ANKFY1: variants seen among roughly 807,000 people sequenced by gnomAD.
ANKFY1 encodes the protein ankyrin repeat and FYVE domain containing 1, also known as ankyrin repeat and FYVE domain-containing protein 1.
Under a neutral mutation model 128.3 loss-of-function variants are expected in ANKFY1, and 47 were observed. That is an observed-to-expected ratio of 0.37 (90% CI 0.29 to 0.47). The LOEUF (loss-of-function observed/expected upper bound fraction) is 0.47, where lower values mean the gene tolerates loss of function less well. Among genes scored for constraint, ANKFY1 ranks in the 20% least tolerant of loss-of-function variants. ANKFY1 has a pLI of 1.00. For synonymous variants in ANKFY1, 553 were observed against 601.6 expected, an observed-to-expected ratio of 0.92 and a Z score of 1.18; for missense variants, 1,222 against 1,510.6, an observed-to-expected ratio of 0.81 and a Z score of 3.17.
rs2059475506 is a variant in ANKFY1, at chr17:4,179,724, T to C, written c.2394A>G (p.Ala798=). 2 of 1,614,030 alleles carry C rather than the reference T, an allele frequency of 1.2e-6. No individual in the cohort carries two copies. The highest frequency in any genetic ancestry group is 1.7e-6 in the Non-Finnish European group (2 of 1,180,018). The change falls in exon 17 of 25, where the codon GCA becomes GCG. Residue 798 remains alanine, a synonymous_variant. Transcript: ENST00000341657. The stretch of plus-strand genomic sequence containing the variant: ...CCGGAAAAGAGAAACGACACACCTG[T>C]GCGTTCACGTTGGCACCAAACTCCA... The part of the protein sequence containing the change: ...CLLEFGANVN[A]QDAEGRTPIH...
intron 7 of ANKFY1, among the ~76,000 whole-genome samples, chr17:4,205,389 G>GA (rs548835014): frequency 1.6e-3 from 244 of 151,758 alleles, no homozygotes; most frequent in Admixed American, 4.3e-3. Context: ...TAAGACTATG[G>GA]AAAAAAACAA....
At position 4,181,437 on chromosome 17, in the gene ANKFY1, T is replaced by C. The variant is rs2059514922; in HGVS notation, c.2122-65A>G. On this transcript the variant is annotated intron_variant, in intron 15 of 24. Coordinates refer to ENST00000341657, the MANE Select transcript of ANKFY1 (RefSeq NM_001330063.2). This position sits in a 1 kb window ranked among gnomAD's most constrained non-coding sequence, Gnocchi z 4.9. ...AAAGGCAAACAGTTTTATTACCAAGTCTGAGCTCTATGTATAGCATTAAAT... is the reference window on the plus strand; with the variant it reads ...AAAGGCAAACAGTTTTATTACCAAGCCTGAGCTCTATGTATAGCATTAAAT... 4.3e-6 allele frequency: 5 copies of C among 1,152,810 alleles called. No homozygotes were observed. The highest frequency in any genetic ancestry group is 3.4e-5 in the Admixed American group (2 of 58,706). 71.4% of individuals were successfully genotyped at this position (1,152,810 alleles called of 1,614,324 possible).
At position 4,189,383 on chromosome 17, in the gene ANKFY1, C is replaced by G; in HGVS notation, c.1469G>C (p.Trp490Ser). The change falls in exon 11 of 25, where the codon TGG becomes TCG. Residue 490 changes from tryptophan to serine, a missense_variant and splice_region_variant. Transcript: ENST00000341657. ...CTCCGGCTGCCCTGTCACACTTACC[C>G]ACTTGTTTCTGTGGTTGACATGGGC... ...NGAHVNHRNKWGETPLHTACR... is the reference protein window; with the variant it reads ...NGAHVNHRNKSGETPLHTACR... 6.3e-7 allele frequency: 1 copy of G among 1,579,066 alleles called. No individual in the cohort carries two copies. Among genetic ancestry groups the G allele is most frequent in the Non-Finnish European group, 8.6e-7 (1 of 1,159,072 alleles).
At chr17:4,228,120 T>C (rs1412731366) in intron 3 of ANKFY1, among the ~76,000 whole-genome samples, 1 of 151,502 alleles carries the variant, frequency 6.6e-6, no homozygotes, top group Non-Finnish European at 1.5e-5. Context: ...AAAAAAAAAG[T>C]GTGGTATTTT....
intron 1 of ANKFY1, chr17:4,249,060 C>G (rs780110640): frequency 1.4e-4 from 130 of 904,532 alleles, no homozygotes; most frequent in Non-Finnish European, 1.7e-4. Context: ...GCAATGTCTA[C>G]TGCAAAAAAG....
intron 1 of ANKFY1, among the ~76,000 whole-genome samples, chr17:4,260,983 C>A (rs1968386092): frequency 6.6e-6 from 1 of 152,150 alleles, no homozygotes; most frequent in South Asian, 2.1e-4. Context: ...TCCAAACAAG[C>A]ATAGCAGGCT....
At chr17:4,231,344 C>T (rs552811989) in intron 3 of ANKFY1, among the ~76,000 whole-genome samples, 1 of 152,058 alleles carries the variant, frequency 6.6e-6, no homozygotes, top group East Asian at 1.9e-4. Flanking sequence ...AAACAATTAG[C>T]CAGGGATGGT....
At chr17:4,206,078 T>C (rs2060017868) in intron 7 of ANKFY1, among the ~76,000 whole-genome samples, 1 of 152,216 alleles carries the variant, frequency 6.6e-6, no homozygotes, top group South Asian at 2.1e-4. Flanking sequence ...TTCACACAAG[T>C]ACCATCTTTG....
At chr17:4,185,248 C>G (rs1041339258) in intron 11 of ANKFY1, among the ~76,000 whole-genome samples, 1 of 152,168 alleles carries the variant, frequency 6.6e-6, no homozygotes, top group Non-Finnish European at 1.5e-5. Flanking sequence ...CTCTGTCACC[C>G]AGGCTGGAGT....
intron 7 of ANKFY1, among the ~76,000 whole-genome samples, chr17:4,201,731 C>T (rs977706829): frequency 6.6e-5 from 10 of 152,070 alleles, no homozygotes; most frequent in Non-Finnish European, 1.3e-4. Context: ...TGCAATCTTT[C>T]CCAGTATCAA....
rs1020329507 is a variant in ANKFY1 at position 4,242,332 on chromosome 17, T to C, written c.127A>G (p.Lys43Glu). The change falls in exon 2 of 25, where the codon AAG (lysine) becomes GAG (glutamate). Residue 43 changes from lysine (K) to glutamate (E), a missense_variant. Lys to Glu is a moderately conservative substitution (Grantham distance 56, BLOSUM62 1). Coordinates refer to ENST00000341657, the MANE Select transcript of ANKFY1 (RefSeq NM_001330063.2). Reference protein sequence around the residue: ...RCALLAAQANKESSSESFISR... With the variant: ...RCALLAAQANEESSSESFISR... ...ATGAAGGACTCGCTGCTGCTCTCCT[T>C]GTTTGCCTGCGCAGCCAAGAGAGCG... 8 of 1,602,144 alleles carry C rather than the reference T, an allele frequency of 5.0e-6. No individual in the cohort carries two copies. Among genetic ancestry groups the C allele is most frequent in the African/African-American group, 1.3e-5 (1 of 74,146 alleles).
Position 4,165,506 on chromosome 17 carries a change from C to A in ANKFY1, c.*2273G>T, listed in dbSNP as rs1209717364. 2.0e-5 allele frequency: 3 copies of A among 152,264 alleles called. No homozygotes were observed. The highest frequency in any genetic ancestry group is 1.3e-4 in the Admixed American group (2 of 15,278). 9.4% of individuals were successfully genotyped at this position (152,264 alleles called of 1,614,324 possible). ...CAGGGCATGTTGGAGTCAGCTCCCA[C>A]TCAAGCAGCCTGCTGAGTGCAGCCC... is the stretch of plus-strand genomic sequence containing the variant. On this transcript the variant is annotated 3_prime_UTR_variant, in exon 25 of 25. Coordinates refer to ENST00000341657, the MANE Select transcript of ANKFY1 (RefSeq NM_001330063.2).
chr17:4,188,946 AAAGGT>A (rs137985726), intron 11 of ANKFY1: 7,549 of 156,070 alleles, frequency 0.048, 379 homozygotes, highest in African/African-American at 0.13. Context: ...GTCCAACCCC[AAAGGT>A]AACACTTTTA....
intron 2 of ANKFY1, among the ~76,000 whole-genome samples, chr17:4,237,705 A>G (rs1459377330): frequency 6.6e-6 from 1 of 152,212 alleles, no homozygotes; most frequent in Non-Finnish European, 1.5e-5. Flanking sequence ...TAAGGATTTC[A>G]TCAATAATTT....
chr17:4,173,282 A>G, intron 21 of ANKFY1, 72 bp downstream of exon 21: 1 of 1,436,728 alleles, frequency 7.0e-7, no homozygotes, highest in Non-Finnish European at 9.8e-7. Flanking sequence ...GGCTGATGGG[A>G]GGCACCAGCA....
intron 11 of ANKFY1, chr17:4,186,841 C>T: frequency 6.0e-6 from 6 of 1,003,308 alleles, no homozygotes; most frequent in Non-Finnish European, 7.1e-6. Context: ...AAACCCAGGT[C>T]TCCAGCCCCA....
intron 3 of ANKFY1, among the ~76,000 whole-genome samples, chr17:4,234,167 G>A (rs1201158848): frequency 1.3e-5 from 2 of 152,152 alleles, no homozygotes; most frequent in African/African-American, 4.8e-5. Flanking sequence ...TATAGCCTAG[G>A]TGTGTAGTAG....
chr17:4,201,447 C>T (rs1233193655), intron 7 of ANKFY1, among the ~76,000 whole-genome samples: 1 of 150,424 alleles, frequency 6.6e-6, no homozygotes, highest in Non-Finnish European at 1.5e-5. Flanking sequence ...GATGCTGACT[C>T]GCTCCTCAGA....
intron 1 of ANKFY1, 22 bp downstream of exon 1, chr17:4,263,910 C>T: frequency 1.2e-6 from 2 of 1,613,878 alleles, no homozygotes; most frequent in Non-Finnish European, 1.7e-6. Flanking sequence ...TCTTCCCGCG[C>T]GGCTCCACAA....
Sources: allele counts gnomAD v4.1 joint callset (sites outside exome capture counted in the v4.1 genomes callset), GRCh38; gene constraint gnomAD v4.1.1; non-coding constraint Gnocchi (gnomAD v3.1); transcripts MANE v1.5; gene names NCBI Gene and HGNC (gene_info 2026-07-23, HGNC 2026-07-21).